Variants in CCDC33 observed in about 807,000 individuals in gnomAD.
The protein encoded by CCDC33 is coiled-coil domain containing 33, also known as coiled-coil domain-containing protein 33.
CCDC33 carries 94 observed loss-of-function variants against 91.9 expected under a neutral mutation model. That is an observed-to-expected ratio of 1.02 (90% CI 0.87 to 1.21). The LOEUF is 1.21. Among genes scored for constraint, CCDC33 ranks in the 50% most tolerant of loss-of-function variants. The probability of loss-of-function intolerance (pLI) is 0.00; values close to 1 mark genes in which losing one functional copy is unlikely to be tolerated. For missense variants in CCDC33, 940 were observed against 935.5 expected, an observed-to-expected ratio of 1.00 and a Z score of -0.06; for synonymous variants, 396 against 374.5, an observed-to-expected ratio of 1.06 and a Z score of -0.66.
chr15:74,283,794 T>TCACACACA (rs3223095), intron 10 of CCDC33, among the ~76,000 whole-genome samples: 17 of 146,220 alleles, frequency 1.2e-4, no homozygotes, highest in South Asian at 2.2e-4. Flanking sequence ...AGCCAAGAAT[T>TCACACACA]CACACACACA....
intron 1 of CCDC33, among the ~76,000 whole-genome samples, chr15:74,239,911 T>C (rs781597967): frequency 2.0e-5 from 3 of 152,226 alleles, no homozygotes; most frequent in Non-Finnish European, 4.4e-5. Flanking sequence ...ATCAATCCTC[T>C]AGTGCAGGCC....
At chr15:74,225,566 G>A (rs531386662) in intron 2 of CCDC33, among the ~76,000 whole-genome samples, 3 of 151,794 alleles carry the variant, frequency 2.0e-5, no homozygotes, top group South Asian at 2.1e-4. Context: ...GATTCACCCC[G>A]AGACACCAAT....
At chr15:74,266,601 C>A in intron 3 of CCDC33, 77 bp from the exon 4 acceptor site, 1 of 1,003,354 alleles carries the variant, frequency 1.0e-6, no homozygotes, top group Non-Finnish European at 1.6e-6. Context: ...TGTCTCTCAC[C>A]TCTCACTGTC....
At chr15:74,231,873 G>A (rs762944604), upstream of CCDC33, among the ~76,000 whole-genome samples, 1 of 152,134 alleles carries the variant, frequency 6.6e-6, no homozygotes, top group Non-Finnish European at 1.5e-5. Context: ...AAAATTAGCC[G>A]GGCGTGGTGG....
At chr15:74,217,106 G>C, upstream of CCDC33, 2 of 343,896 alleles carry the variant, frequency 5.8e-6, no homozygotes, top group Admixed American at 9.7e-5. Flanking sequence ...AACTTCCCTG[G>C]GTCAGGCCCA....
At chr15:74,236,866 A>G (rs2075176514) in intron 1 of CCDC33, 126 bp downstream of exon 1, 2 of 938,138 alleles carry the variant, frequency 2.1e-6, no homozygotes, top group Non-Finnish European at 3.3e-6. Flanking sequence ...CAGTTTTCAC[A>G]GCTGTGAAAT....
rs140860884 is a variant in CCDC33 at position 74,221,859 on chromosome 15, C to A, written c.675+2998C>A. Among the ~76,000 whole-genome samples, 35 of 152,330 alleles carry A rather than the reference C, an allele frequency of 2.3e-4. 1 individual carries two copies. In the East Asian group the frequency reaches 6.7e-3, roughly 29 times the overall value. On this transcript the variant is annotated intron_variant, in intron 2 of 2. Coordinates refer to the CCDC33 transcript ENST00000635913. Reference sequence around the variant, plus strand: ...AGCTCCACTACACTCGTCCCACCCCCTCAGCGCTGCCTCCTGTCACCTCTT... The same window carrying A: ...AGCTCCACTACACTCGTCCCACCCCATCAGCGCTGCCTCCTGTCACCTCTT...
intron 10 of CCDC33, among the ~76,000 whole-genome samples, chr15:74,283,081 G>A (rs2059399808): frequency 6.6e-6 from 1 of 152,168 alleles, no homozygotes. Flanking sequence ...TATCTGGGTT[G>A]GTACCAGCCT....
chr15:74,216,290 C>T (rs1205866664), upstream of CCDC33, among the ~76,000 whole-genome samples: 6 of 151,956 alleles, frequency 3.9e-5, no homozygotes, highest in East Asian at 2.0e-4. Flanking sequence ...TGGTCTTTCC[C>T]GACATGAATT....
intron 2 of CCDC33, among the ~76,000 whole-genome samples, chr15:74,254,182 G>A (rs761128460): frequency 2.6e-5 from 4 of 151,778 alleles, no homozygotes; most frequent in East Asian, 1.9e-4. Context: ...ACAGGCGCGC[G>A]CCACCACTCC....
At chr15:74,207,620 A>AC in intron 1 of CCDC33, 1 of 1,355,842 alleles carries the variant, frequency 7.4e-7, no homozygotes. Context: ...CCTCAGGTAC[A>AC]CCCCCAACTT....
At chr15:74,281,246 T>C (rs190949465) in intron 9 of CCDC33, among the ~76,000 whole-genome samples, 2 of 152,370 alleles carry the variant, frequency 1.3e-5, no homozygotes, top group African/African-American at 4.8e-5. Flanking sequence ...GCTCAGGCTC[T>C]AGAGCCAGAC....
chr15:74,224,163 G>A (rs897417207), intron 2 of CCDC33, among the ~76,000 whole-genome samples: 11 of 152,192 alleles, frequency 7.2e-5, no homozygotes, highest in Non-Finnish European at 1.5e-4. Flanking sequence ...GGGGCAGGCA[G>A]GTGCTGGCCC....
intron 2 of CCDC33, among the ~76,000 whole-genome samples, chr15:74,231,073 A>G (rs906385513): frequency 6.6e-6 from 1 of 152,206 alleles, no homozygotes; most frequent in Non-Finnish European, 1.5e-5. Context: ...TTAGCCCAGT[A>G]GCCGTTTACT....
chr15:74,334,916 C>T, intron 17 of CCDC33, 59 bp from the exon 18 acceptor site: 1 of 1,354,148 alleles, frequency 7.4e-7, no homozygotes, highest in Non-Finnish European at 1.1e-6. Flanking sequence ...GTTGTCCTGG[C>T]CATCAGGGAT....
intron 11 of CCDC33, among the ~76,000 whole-genome samples, chr15:74,308,985 G>GA (rs2059942299): frequency 6.6e-6 from 1 of 152,002 alleles, no homozygotes; most frequent in South Asian, 2.1e-4. Flanking sequence ...TGTGGGTGGG[G>GA]GGGCTCCTGT....
chr15:74,277,530 C>T (rs1017514891), intron 7 of CCDC33, among the ~76,000 whole-genome samples: 2 of 152,240 alleles, frequency 1.3e-5, no homozygotes, highest in Non-Finnish European at 2.9e-5. Flanking sequence ...CATAATTCCA[C>T]TACCGCTGTG....
At chr15:74,217,684 G>A in intron 1 of CCDC33, 2 of 944,336 alleles carry the variant, frequency 2.1e-6, no homozygotes, top group South Asian at 1.8e-5. Context: ...GGGAGGGTGG[G>A]GTCAGAGCTC....
chr15:74,267,173 C>T (rs2076187429), intron 4 of CCDC33, among the ~76,000 whole-genome samples: 1 of 152,244 alleles, frequency 6.6e-6, no homozygotes, highest in Admixed American at 6.5e-5. Flanking sequence ...CCTCTCTAAT[C>T]CTCAAGGTAA....
Sources: gnomAD v4.1 joint callset for allele counts (sites outside exome capture counted in the v4.1 genomes callset) on GRCh38, gnomAD v4.1.1 for gene constraint, MANE v1.5 for transcripts, NCBI Gene and HGNC (gene_info 2026-07-23, HGNC 2026-07-21) for gene names.